RNGTT: variants seen among roughly 807,000 people sequenced by gnomAD.
RNGTT encodes RNA guanylyltransferase and 5'-phosphatase.
Under a neutral mutation model 79.3 loss-of-function variants are expected in RNGTT, and 33 were observed. The ratio of observed to expected loss-of-function variants is 0.42; its 90% confidence interval spans 0.32 to 0.56. The LOEUF (loss-of-function observed/expected upper bound fraction) is 0.56. Among genes scored for constraint, RNGTT ranks in the 20% least tolerant of loss-of-function variants. The probability of loss-of-function intolerance (pLI) is 0.17; values close to 1 mark genes in which losing one functional copy is unlikely to be tolerated. For missense variants in RNGTT, 497 were observed against 739.1 expected, an observed-to-expected ratio of 0.67 and a Z score of 3.80; for synonymous variants, 222 against 235.9, an observed-to-expected ratio of 0.94 and a Z score of 0.54.
At chr6:88,706,691 G>C (rs908853378) in intron 13 of RNGTT, among the ~76,000 whole-genome samples, 3 of 152,084 alleles carry the variant, frequency 2.0e-5, no homozygotes, top group Non-Finnish European at 4.4e-5. Flanking sequence ...TATCAAGGAA[G>C]CTTAAAATAA....
chr6:88,746,517 G>A (rs1245678513), intron 13 of RNGTT, among the ~76,000 whole-genome samples: 1 of 152,158 alleles, frequency 6.6e-6, no homozygotes, highest in Non-Finnish European at 1.5e-5. Context: ...ATGTTGGTGG[G>A]GGAATGCTTT....
chr6:88,712,719 AC>A (rs1776360715), intron 13 of RNGTT, among the ~76,000 whole-genome samples: 1 of 152,218 alleles, frequency 6.6e-6, no homozygotes, highest in Non-Finnish European at 1.5e-5. Flanking sequence ...TAAAGAAAAT[AC>A]TCAATGTGAA....
chr6:88,664,648 T>C (rs950277433), intron 14 of RNGTT, among the ~76,000 whole-genome samples: 1 of 152,050 alleles, frequency 6.6e-6, no homozygotes, highest in Non-Finnish European at 1.5e-5. Flanking sequence ...AGTGCGCCTA[T>C]TGTAAAGAGA....
At chr6:88,758,921 C>T (rs549477247) in intron 13 of RNGTT, among the ~76,000 whole-genome samples, 3 of 152,142 alleles carry the variant, frequency 2.0e-5, no homozygotes, top group South Asian at 4.1e-4. Context: ...GGTACATGTG[C>T]ACAATGTGCA....
At chr6:88,613,160 C>A (rs1447474909) in intron 15 of RNGTT, among the ~76,000 whole-genome samples, 1 of 152,158 alleles carries the variant, frequency 6.6e-6, no homozygotes, top group East Asian at 1.9e-4. Flanking sequence ...CCTCCCAAAC[C>A]AGTTTTTATG....
intron 8 of RNGTT, among the ~76,000 whole-genome samples, chr6:88,857,774 G>T (rs1050842184): frequency 5.9e-5 from 9 of 152,078 alleles, no homozygotes; most frequent in Non-Finnish European, 1.3e-4. Flanking sequence ...ATAGAGTAAA[G>T]CCTATACCAA....
chr6:88,701,010 C>G lies in RNGTT; in HGVS notation c.1440-22591G>C, dbSNP rs115061440. Among the ~76,000 whole-genome samples, 686 of 151,288 alleles carry G rather than the reference C, an allele frequency of 4.5e-3. 3 individuals carry two copies. The highest frequency in any genetic ancestry group is 0.016 in the African/African-American group (649 of 41,182). ...TCATGGTTAATGACAAACAAGAGTT[C>G]AAAAATATAAATCTGTCAGAGTTCA... is the stretch of plus-strand genomic sequence containing the variant. On this transcript the variant is annotated intron_variant, in intron 13 of 15. Transcript: ENST00000369485.
intron 2 of RNGTT, among the ~76,000 whole-genome samples, chr6:88,938,960 A>G (rs1035019556): frequency 3.3e-5 from 5 of 152,202 alleles, no homozygotes; most frequent in African/African-American, 9.7e-5. Context: ...CGCTTGGCCT[A>G]TAAGGTTTTT....
intron 13 of RNGTT, among the ~76,000 whole-genome samples, chr6:88,683,594 A>C (rs973181626): frequency 4.6e-5 from 7 of 152,222 alleles, no homozygotes; most frequent in African/African-American, 1.7e-4. Context: ...ATGGACACAA[A>C]ATGCAATGTG....
Position 88,893,814 on chromosome 6 carries a change from T to C in RNGTT, c.685-1899A>G, listed in dbSNP as rs112746291. ...AGTAAAAAGAAAGGTAGAAGTCCAA[T>C]AAAAAAAAGTATGATACACTTCATA... On this transcript the variant is annotated intron_variant, in intron 6 of 15. Transcript: ENST00000369485. Among the ~76,000 whole-genome samples the C allele has an allele frequency of 4.6e-3, 705 of 151,994 alleles. 3 individuals are homozygous for C. The highest frequency in any genetic ancestry group is 0.016 in the African/African-American group (675 of 41,486).
At chr6:88,935,984 A>G (rs2127956552) in intron 2 of RNGTT, among the ~76,000 whole-genome samples, 1 of 152,300 alleles carries the variant, frequency 6.6e-6, no homozygotes, top group East Asian at 1.9e-4. Flanking sequence ...CAGTGGCTCA[A>G]TCATGGCTCA....
intron 10 of RNGTT, among the ~76,000 whole-genome samples, chr6:88,846,511 G>T (rs1397415795): frequency 6.6e-6 from 1 of 152,134 alleles, no homozygotes; most frequent in Non-Finnish European, 1.5e-5. Flanking sequence ...ACTTTGGAAG[G>T]CTAAAGCGGG....
chr6:88,941,665 CT>C (rs776214733), intron 1 of RNGTT, among the ~76,000 whole-genome samples: 3,602 of 142,794 alleles, frequency 0.025, 88 homozygotes, highest in African/African-American at 0.076. Context: ...TACCCTACAT[CT>C]TTTTTTTTTT....
chr6:88,951,718 G>A (rs1443411956), intron 1 of RNGTT, among the ~76,000 whole-genome samples: 2 of 152,136 alleles, frequency 1.3e-5, no homozygotes, highest in South Asian at 2.1e-4. Context: ...AGAGAGCCGA[G>A]TGAAATATAA....
intron 11 of RNGTT, among the ~76,000 whole-genome samples, chr6:88,820,265 T>C (rs2127879319): frequency 6.6e-6 from 1 of 152,210 alleles, no homozygotes; most frequent in African/African-American, 2.4e-5. Context: ...TCCACACTAT[T>C]AAATAAAGAA....
At chr6:88,823,365 G>A (rs1481742493) in intron 11 of RNGTT, among the ~76,000 whole-genome samples, 2 of 151,898 alleles carry the variant, frequency 1.3e-5, no homozygotes, top group Non-Finnish European at 2.9e-5. Flanking sequence ...GAACTCGGGA[G>A]GCTGAGGTTG....
rs976114373 is a variant in RNGTT at position 88,883,170 on chromosome 6, C to CAA, written c.896+7323_896+7324dup. 1.6e-3 allele frequency among the ~76,000 whole-genome samples: 113 copies of CAA among 68,814 alleles called. 1 individual carries two copies. Among genetic ancestry groups the CAA allele is most frequent in the African/African-American group, 2.5e-3 (56 of 22,568 alleles). The allele number at this position is 68,814 out of a possible 152,430, so 45.1% of individuals were successfully genotyped here. ...AGGAAGGAGCCCAGACTCTTTATGA[C>CAA]AAAAAAAAAAAAAAAAAAAAAAAAA... On this transcript the variant is annotated intron_variant, in intron 8 of 15. Transcript: ENST00000369485.
At chr6:88,824,674 C>T (rs1172147355) in intron 11 of RNGTT, among the ~76,000 whole-genome samples, 1 of 151,650 alleles carries the variant, frequency 6.6e-6, no homozygotes, top group African/African-American at 2.4e-5. Flanking sequence ...GACAGGTCTG[C>T]TTTGAAAGAA....
At chr6:88,833,205 A>C (rs1405501126) in intron 11 of RNGTT, among the ~76,000 whole-genome samples, 3 of 152,236 alleles carry the variant, frequency 2.0e-5, no homozygotes, top group African/African-American at 7.2e-5. Flanking sequence ...CTGGATAAAG[A>C]AAATGTGGCA....
Sources: gnomAD v4.1 joint callset for allele counts (sites outside exome capture counted in the v4.1 genomes callset) on GRCh38, gnomAD v4.1.1 for gene constraint, MANE v1.5 for transcripts, NCBI Gene and HGNC (gene_info 2026-07-23, HGNC 2026-07-21) for gene names.